PLCE1: variants seen among roughly 807,000 people sequenced by gnomAD.
PLCE1 encodes phospholipase C epsilon 1.
Under a neutral mutation model 242.8 loss-of-function variants are expected in PLCE1, and 119 were observed. The ratio of observed to expected loss-of-function variants is 0.49; its 90% confidence interval spans 0.42 to 0.57. The LOEUF is 0.57. Ranked by LOEUF, PLCE1 falls within the 20% of genes least tolerant of loss-of-function variation. The pLI is 0.00. For missense variants in PLCE1, 2,441 were observed against 2,788.8 expected, an observed-to-expected ratio of 0.88 and a Z score of 2.81; for synonymous variants, 945 against 1,017.4, an observed-to-expected ratio of 0.93 and a Z score of 1.35.
At chr10:94,154,231 C>T (rs1313569542) in intron 3 of PLCE1, among the ~76,000 whole-genome samples, 1 of 152,118 alleles carries the variant, frequency 6.6e-6, no homozygotes, top group East Asian at 1.9e-4. Context: ...AGGAACAAGC[C>T]TTCCAGTAAA....
rs750719125 is a variant in PLCE1, at chr10:94,171,364, A to G, written c.1677A>G (p.Leu559=). Residue 559 remains leucine (L), a synonymous_variant, in exon 4 of 33, where the codon TTA becomes TTG. Coordinates refer to ENST00000371380, the MANE Select transcript of PLCE1 (RefSeq NM_016341.4). ...RVLPVDYLCF[L]TRDLGTPECQ... is the part of the protein sequence containing the mutation. Reference sequence around the variant, plus strand: ...TGCCAGTCGACTACCTTTGCTTCTTAACACGGGACTTGGGCACTCCTGAAT... The same window carrying G: ...TGCCAGTCGACTACCTTTGCTTCTTGACACGGGACTTGGGCACTCCTGAAT... The G allele has an allele frequency of 1.2e-6, 2 of 1,614,192 alleles. No homozygotes were observed. The highest frequency in any genetic ancestry group is 3.3e-5 in the Admixed American group (2 of 60,028).
At chr10:94,226,144 A>G (rs1218143433) in intron 4 of PLCE1, among the ~76,000 whole-genome samples, 1 of 152,262 alleles carries the variant, frequency 6.6e-6, no homozygotes, top group African/African-American at 2.4e-5. Context: ...CATAGAGCAG[A>G]AGCAGATGAT....
At chr10:94,201,220 A>G (rs1018016202) in intron 4 of PLCE1, among the ~76,000 whole-genome samples, 2 of 152,206 alleles carry the variant, frequency 1.3e-5, no homozygotes, top group African/African-American at 4.8e-5. Context: ...CTATAAATCT[A>G]AAAATATTCC....
chr10:94,322,085 G>C (rs750462159), intron 30 of PLCE1, 26 bp downstream of exon 30: 1 of 1,607,742 alleles, frequency 6.2e-7, no homozygotes, highest in Non-Finnish European at 8.5e-7. Context: ...TTCCTCACCT[G>C]AGTCCTTTCC....
intron 2 of PLCE1, among the ~76,000 whole-genome samples, chr10:94,074,295 T>C (rs2044442885): frequency 6.6e-6 from 1 of 151,178 alleles, no homozygotes; most frequent in African/African-American, 2.4e-5. Context: ...TGAGCTCAAG[T>C]GATACTCCCA....
At chr10:94,202,749 G>T (rs879877336) in intron 4 of PLCE1, among the ~76,000 whole-genome samples, 2 of 152,152 alleles carry the variant, frequency 1.3e-5, no homozygotes, top group Non-Finnish European at 2.9e-5. Flanking sequence ...TCATTGATTT[G>T]ATTCATCCTG....
intron 5 of PLCE1, among the ~76,000 whole-genome samples, chr10:94,233,626 T>C (rs2050218008): frequency 1.3e-5 from 2 of 152,170 alleles, no homozygotes; most frequent in Admixed American, 1.3e-4. Context: ...TAGGTGGGGA[T>C]AGGAACCCTA....
intron 8 of PLCE1, among the ~76,000 whole-genome samples, chr10:94,249,870 G>A: frequency 6.6e-6 from 1 of 151,942 alleles, no homozygotes; most frequent in South Asian, 2.1e-4. Flanking sequence ...GGCTAAGAAA[G>A]TTAAATATGG....
rs551191478 is a variant in PLCE1 at position 94,020,940 on chromosome 10, G to A, written c.-364-9743G>A. On this transcript the variant is annotated intron_variant, in intron 1 of 32. Transcript: ENST00000371380. ...CACCTCCTGGCTTCAAGTGATTCTC[G>A]TGCCTCAGCCTCCTGAGTAACTGGG... is the stretch of plus-strand genomic sequence containing the variant. 3.9e-5 allele frequency among the ~76,000 whole-genome samples: 6 copies of A among 151,942 alleles called. No individual in the cohort carries two copies. The East Asian group carries it at 7.7e-4, about 20-fold the overall frequency.
chr10:94,030,994 A>G lies in PLCE1; in HGVS notation c.-53A>G. ...GTCATTTTATTAAAACCTTGACATG[A>G]TCACCAGGGAGGAAAAATAGAGCAA... On this transcript the variant is annotated 5_prime_UTR_variant, in exon 2 of 33. An upstream open reading frame in the 5' UTR loses its in-frame stop. Coordinates refer to ENST00000371380, the MANE Select transcript of PLCE1 (RefSeq NM_016341.4). The G allele has an allele frequency of 6.3e-7, 1 of 1,591,264 alleles. No individual in the cohort carries two copies. The highest frequency in any genetic ancestry group is 8.6e-7 in the Non-Finnish European group (1 of 1,159,688).
chr10:94,221,278 GAGA>G (rs2049734572), intron 4 of PLCE1, among the ~76,000 whole-genome samples: 1 of 152,172 alleles, frequency 6.6e-6, no homozygotes, highest in Admixed American at 6.5e-5. Flanking sequence ...CTCCACATTT[GAGA>G]AGCACTGCCT....
At chr10:94,177,832 G>A (rs1438214951) in intron 4 of PLCE1, among the ~76,000 whole-genome samples, 2 of 152,146 alleles carry the variant, frequency 1.3e-5, no homozygotes, top group African/African-American at 4.8e-5. Context: ...ACATACTTTA[G>A]TGCATGCAGG....
intron 1 of PLCE1, among the ~76,000 whole-genome samples, chr10:94,012,360 C>T (rs2061185853): frequency 6.6e-6 from 1 of 151,902 alleles, no homozygotes; most frequent in Non-Finnish European, 1.5e-5. Context: ...GCAAGTCAAG[C>T]TTGGCTGGGA....
intron 29 of PLCE1, among the ~76,000 whole-genome samples, chr10:94,320,207 A>G (rs1276781273): frequency 6.6e-6 from 1 of 152,164 alleles, no homozygotes; most frequent in Non-Finnish European, 1.5e-5. Context: ...AACAGTATAC[A>G]TAGGATACAA....
chr10:94,169,617 G>T (rs1313197366), intron 3 of PLCE1, among the ~76,000 whole-genome samples: 2 of 152,214 alleles, frequency 1.3e-5, no homozygotes, highest in African/African-American at 4.8e-5. Context: ...GAAAGCAAAC[G>T]CAGGTTTGGG....
intron 1 of PLCE1, among the ~76,000 whole-genome samples, chr10:94,027,222 T>C (rs2134442519): frequency 6.6e-6 from 1 of 152,336 alleles, no homozygotes; most frequent in South Asian, 2.1e-4. Context: ...ATCAGCACTG[T>C]CTGCTTTAGA....
At chr10:94,159,036 GT>G (rs1454907368) in intron 3 of PLCE1, among the ~76,000 whole-genome samples, 5 of 151,586 alleles carry the variant, frequency 3.3e-5, no homozygotes, top group African/African-American at 1.2e-4. Flanking sequence ...CAGTGAGCAT[GT>G]TTCTTTGGAA....
rs181323376 is a variant in PLCE1 at position 94,186,714 on chromosome 10, C to T, written c.1809+15218C>T. Among the ~76,000 whole-genome samples the T allele has an allele frequency of 2.5e-3, 387 of 152,310 alleles. 1 individual carries two copies. The highest frequency in any genetic ancestry group is 4.2e-3 in the Non-Finnish European group (286 of 68,018). On this transcript the variant is annotated intron_variant, in intron 4 of 32. Coordinates refer to ENST00000371380, the MANE Select transcript of PLCE1 (RefSeq NM_016341.4). ...CTACAATCATCCAACAAATGTTTCTCCATTTTGTGTCTCCTCTGTGAAACC... is the reference window on the plus strand; with the variant it reads ...CTACAATCATCCAACAAATGTTTCTTCATTTTGTGTCTCCTCTGTGAAACC...
chr10:94,281,243 C>G (rs903833496), intron 20 of PLCE1, among the ~76,000 whole-genome samples: 7 of 152,194 alleles, frequency 4.6e-5, no homozygotes, highest in African/African-American at 1.4e-4. Context: ...ATCTAGATGT[C>G]ATATGCCCCT....
Sources: gnomAD v4.1 joint callset for allele counts (sites outside exome capture counted in the v4.1 genomes callset) on GRCh38, gnomAD v4.1.1 for gene constraint, MANE v1.5 for transcripts, NCBI Gene and HGNC (gene_info 2026-07-23, HGNC 2026-07-21) for gene names.